The following IQCM variants were observed in gnomAD, a reference collection of about 807,000 sequenced individuals.
IQCM encodes IQ domain-containing protein M.
Under a neutral mutation model 57.6 loss-of-function variants are expected in IQCM, and 45 were observed. The ratio of observed to expected loss-of-function variants is 0.78; its 90% CI spans 0.62 to 1.00. IQCM has a LOEUF of 1.00. IQCM is among the 50% of genes least tolerant of loss of function. The pLI, the probability that IQCM is intolerant of heterozygous loss-of-function variation, is 0.00. For missense variants in IQCM, 468 were observed against 511.6 expected, an observed-to-expected ratio of 0.91 and a Z score of 0.82; for synonymous variants, 148 against 158.9, an observed-to-expected ratio of 0.93 and a Z score of 0.51.
At chr4:149,798,336 T>C (rs1362940090) in intron 2 of IQCM, among the ~76,000 whole-genome samples, 1 of 151,912 alleles carries the variant, frequency 6.6e-6, no homozygotes, top group African/African-American at 2.4e-5. Flanking sequence ...CCAAAAAGCA[T>C]ACAATGAATA....
rs531310203 is a variant in IQCM at position 149,416,581 on chromosome 4, C to T, written c.1390+16815G>A. ...TGTCTAGGTCGGTGATTCTAGTGTG[C>T]GGCGAGGGCTGAGAAACCATATGGC... is the stretch of plus-strand genomic sequence containing the variant. On this transcript the variant is annotated intron_variant, in intron 13 of 13. Coordinates refer to ENST00000636793, the MANE Select transcript of IQCM (RefSeq NM_001363507.2). Among the ~76,000 whole-genome samples the T allele has an allele frequency of 3.3e-5, 5 of 152,080 alleles. No homozygotes were observed. In the East Asian group the frequency reaches 5.8e-4, roughly 18 times the overall value.
At chr4:149,489,794 C>T (rs991590379) in intron 12 of IQCM, among the ~76,000 whole-genome samples, 7 of 151,292 alleles carry the variant, frequency 4.6e-5, no homozygotes, top group Admixed American at 4.0e-4. Context: ...TATACACACA[C>T]ACATATATAT....
intron 2 of IQCM, among the ~76,000 whole-genome samples, chr4:149,761,889 A>G (rs1769553939): frequency 6.6e-6 from 1 of 152,096 alleles, no homozygotes; most frequent in Admixed American, 6.6e-5. Flanking sequence ...AAATATGTAT[A>G]GCATTAATTA....
intron 12 of IQCM, among the ~76,000 whole-genome samples, chr4:149,438,058 A>T (rs1735539680): frequency 6.6e-6 from 1 of 152,104 alleles, no homozygotes; most frequent in Non-Finnish European, 1.5e-5. Flanking sequence ...TGGCTAACAA[A>T]GCTCTACTAG....
At position 149,486,916 on chromosome 4, in the gene IQCM, T is replaced by C. The variant is rs960805288; in HGVS notation, c.1229-53359A>G. ...CTCATAGACCCCAAGAGCCTGCTTG[T>C]TGCTCTATCCTACTGTGGCCAAGCT... is the stretch of plus-strand genomic sequence containing the variant. On this transcript the variant is annotated intron_variant, in intron 12 of 13. Coordinates refer to ENST00000636793, the MANE Select transcript of IQCM (RefSeq NM_001363507.2). 4.6e-5 allele frequency among the ~76,000 whole-genome samples: 7 copies of C among 152,078 alleles called. No homozygotes were observed. The South Asian group carries it at 1.2e-3, about 27-fold the overall frequency.
At chr4:149,530,506 G>A (rs1326028540) in intron 12 of IQCM, among the ~76,000 whole-genome samples, 1 of 152,130 alleles carries the variant, frequency 6.6e-6, no homozygotes, top group Non-Finnish European at 1.5e-5. Flanking sequence ...CATAGACTAA[G>A]TTACTGGAAC....
chr4:149,603,066 C>CA (rs1352927726), intron 8 of IQCM, among the ~76,000 whole-genome samples: 1 of 151,786 alleles, frequency 6.6e-6, no homozygotes, highest in Admixed American at 6.6e-5. Context: ...GCCAAATAAC[C>CA]AAAAAACAAG....
chr4:149,771,417 C>CT (rs1327277448), intron 2 of IQCM, among the ~76,000 whole-genome samples: 1 of 152,026 alleles, frequency 6.6e-6, no homozygotes, highest in African/African-American at 2.4e-5. Flanking sequence ...CATATTGTCT[C>CT]TTAAAAAATC....
chr4:149,639,427 A>T, intron 7 of IQCM, among the ~76,000 whole-genome samples: 1 of 143,862 alleles, frequency 7.0e-6, no homozygotes, highest in African/African-American at 2.5e-5. Flanking sequence ...TCCTGTCTTA[A>T]AAAAAAAAAA....
intron 6 of IQCM, 54 bp from the exon 7 acceptor site, chr4:149,682,260 C>A: frequency 1.4e-6 from 1 of 738,018 alleles, no homozygotes; most frequent in Middle Eastern, 4.5e-4. Context: ...TTTTGTAATA[C>A]AAATCTTCAA....
chr4:149,671,568 T>A (rs909951820), intron 7 of IQCM, among the ~76,000 whole-genome samples: 1 of 152,184 alleles, frequency 6.6e-6, no homozygotes, highest in African/African-American at 2.4e-5. Flanking sequence ...AGTTCTGATG[T>A]TAGGGTGTCA....
At chr4:149,548,424 A>AG in intron 12 of IQCM, 31 bp downstream of exon 12, 3 of 1,230,168 alleles carry the variant, frequency 2.4e-6, no homozygotes, top group Non-Finnish European at 3.0e-6. Flanking sequence ...AAGGAAAAGA[A>AG]GGGGGGAAAA....
chr4:149,700,445 C>T (rs2149811939), intron 5 of IQCM, among the ~76,000 whole-genome samples: 1 of 152,024 alleles, frequency 6.6e-6, no homozygotes, highest in South Asian at 2.1e-4. Context: ...TCTCTCATCA[C>T]TGTGAAAAGA....
chr4:149,783,668 G>T (rs2150014206), intron 2 of IQCM, among the ~76,000 whole-genome samples: 1 of 152,270 alleles, frequency 6.6e-6, no homozygotes, highest in East Asian at 1.9e-4. Context: ...ACCAATAGAA[G>T]ATGGCAAGAC....
At chr4:149,364,288 G>A (rs1336812595) in intron 13 of IQCM, among the ~76,000 whole-genome samples, 1 of 152,092 alleles carries the variant, frequency 6.6e-6, no homozygotes, top group Admixed American at 6.5e-5. Context: ...GGGGGCTATA[G>A]CAATAGCTCT....
chr4:149,441,246 C>A (rs754895659), intron 12 of IQCM, among the ~76,000 whole-genome samples: 1 of 152,134 alleles, frequency 6.6e-6, no homozygotes, highest in African/African-American at 2.4e-5. Flanking sequence ...CTAGAGTTGA[C>A]ACATCTAAAT....
At chr4:149,760,207 G>A (rs1008543780) in intron 2 of IQCM, among the ~76,000 whole-genome samples, 2 of 151,930 alleles carry the variant, frequency 1.3e-5, no homozygotes, top group Non-Finnish European at 2.9e-5. Flanking sequence ...GTCTTACATC[G>A]AAGAAGAAAT....
intron 2 of IQCM, among the ~76,000 whole-genome samples, chr4:149,754,597 C>T (rs192761943): frequency 2.0e-5 from 3 of 152,238 alleles, no homozygotes; most frequent in Admixed American, 2.0e-4. Flanking sequence ...TCACTGTCTC[C>T]TTCTTGAAAT....
intron 13 of IQCM, among the ~76,000 whole-genome samples, chr4:149,390,845 A>G (rs771180246): frequency 2.0e-4 from 31 of 151,422 alleles, no homozygotes; most frequent in Non-Finnish European, 3.5e-4. Flanking sequence ...TTTTGCTTCT[A>G]TATTCACAAG....
Sources: gnomAD v4.1 joint callset for allele counts (sites outside exome capture counted in the v4.1 genomes callset) on GRCh38, gnomAD v4.1.1 for gene constraint, MANE v1.5 for transcripts, NCBI Gene and HGNC (gene_info 2026-07-23, HGNC 2026-07-21) for gene names.